Variants in RBMS3 observed in about 807,000 individuals in gnomAD.
RBMS3 encodes RNA-binding motif, single-stranded-interacting protein 3.
Under a neutral mutation model 66.8 loss-of-function variants are expected in RBMS3, and 27 were observed. That is an observed-to-expected ratio of 0.40 (90% CI 0.30 to 0.56). RBMS3 has a LOEUF of 0.56. Among genes scored for constraint, RBMS3 ranks in the 20% least tolerant of loss-of-function variants. RBMS3 has a pLI of 0.40. For missense variants in RBMS3, 513 were observed against 549.5 expected, an observed-to-expected ratio of 0.93 and a Z score of 0.66; for synonymous variants, 188 against 183.0, an observed-to-expected ratio of 1.03 and a Z score of -0.22.
intron 1 of RBMS3, among the ~76,000 whole-genome samples, chr3:29,364,352 A>G (rs950461811): frequency 6.6e-6 from 1 of 152,206 alleles, no homozygotes; most frequent in Non-Finnish European, 1.5e-5. Context: ...AAACATCAAC[A>G]GAGGACCTAA....
Position 29,399,102 on chromosome 3 carries a change from C to T in RBMS3, c.76-35641C>T, listed in dbSNP as rs999352143. Among the ~76,000 whole-genome samples the T allele has an allele frequency of 2.6e-5, 4 of 152,130 alleles. No individual in the cohort carries two copies. The East Asian group carries it at 7.7e-4, about 29-fold the overall frequency. ...CCTTTTCTCTACTTTAGCCCTGCCTCATTTCCCTTTCTTGCCTCTAAAAGT... is the reference window on the plus strand; with the variant it reads ...CCTTTTCTCTACTTTAGCCCTGCCTTATTTCCCTTTCTTGCCTCTAAAAGT... On this transcript the variant is annotated intron_variant, in intron 1 of 14. Coordinates refer to ENST00000383767, the MANE Select transcript of RBMS3 (RefSeq NM_001003793.3).
intron 10 of RBMS3, among the ~76,000 whole-genome samples, chr3:29,905,496 C>G (rs2060355142): frequency 6.6e-6 from 1 of 151,882 alleles, no homozygotes; most frequent in African/African-American, 2.4e-5. Context: ...CAAAGAAACC[C>G]TCTATATTTC....
At chr3:29,780,990 G>C (rs2371823) in intron 6 of RBMS3, among the ~76,000 whole-genome samples, 6,868 of 151,468 alleles carry the variant, frequency 0.045, 214 homozygotes, top group East Asian at 0.13. Flanking sequence ...TATACTTTAA[G>C]TTTTAGGGTA....
chr3:29,339,852 T>C (rs1268909231), intron 1 of RBMS3, among the ~76,000 whole-genome samples: 1 of 152,132 alleles, frequency 6.6e-6, no homozygotes, highest in Non-Finnish European at 1.5e-5. Context: ...AGTCACAAGA[T>C]GGCACAGAGT....
At chr3:29,310,308 G>A (rs1483765230) in intron 1 of RBMS3, among the ~76,000 whole-genome samples, 3 of 151,574 alleles carry the variant, frequency 2.0e-5, no homozygotes, top group Non-Finnish European at 4.4e-5. Flanking sequence ...AGCTGGGGGG[G>A]CCCGGATAAG....
At chr3:29,662,113 G>C (rs745404727) in intron 4 of RBMS3, among the ~76,000 whole-genome samples, 2 of 152,020 alleles carry the variant, frequency 1.3e-5, no homozygotes, top group African/African-American at 2.4e-5. Context: ...TGTACTTAAG[G>C]GTTCATTTAT....
At chr3:29,886,410 G>A (rs1308313363) in intron 8 of RBMS3, among the ~76,000 whole-genome samples, 1 of 151,830 alleles carries the variant, frequency 6.6e-6, no homozygotes, top group Non-Finnish European at 1.5e-5. Context: ...ACTAAATAGA[G>A]CCTGCTGTCT....
chr3:29,719,938 T>C (rs995105034), intron 4 of RBMS3, among the ~76,000 whole-genome samples: 1 of 152,258 alleles, frequency 6.6e-6, no homozygotes, highest in African/African-American at 2.4e-5. Flanking sequence ...TACATTTTTT[T>C]TTTTTTTAGG....
At chr3:29,911,497 C>A (rs564889570) in intron 10 of RBMS3, among the ~76,000 whole-genome samples, 4 of 152,160 alleles carry the variant, frequency 2.6e-5, no homozygotes, top group African/African-American at 9.6e-5. Context: ...TCACCAATAT[C>A]CGATGTGCCC....
At chr3:29,825,002 C>T (rs2058169978) in intron 6 of RBMS3, among the ~76,000 whole-genome samples, 1 of 151,050 alleles carries the variant, frequency 6.6e-6, no homozygotes, top group Non-Finnish European at 1.5e-5. Flanking sequence ...CCAAAGTCTT[C>T]AAACTGTTCT....
At chr3:29,295,410 A>C (rs888126210) in intron 1 of RBMS3, among the ~76,000 whole-genome samples, 8 of 148,162 alleles carry the variant, frequency 5.4e-5, no homozygotes, top group Admixed American at 6.8e-5. Flanking sequence ...AATTTTAGGG[A>C]ATTTTTTAAT....
intron 4 of RBMS3, among the ~76,000 whole-genome samples, chr3:29,597,138 C>A (rs72856436): frequency 1.5e-3 from 228 of 152,238 alleles, no homozygotes; most frequent in African/African-American, 5.2e-3. Context: ...ATTGGGTATA[C>A]ACTTGCATAT....
At chr3:29,816,624 C>T (rs2057911952) in intron 6 of RBMS3, among the ~76,000 whole-genome samples, 1 of 151,980 alleles carries the variant, frequency 6.6e-6, no homozygotes, top group Admixed American at 6.6e-5. Context: ...GCTTAGAAAC[C>T]CTTTAATATA....
chr3:29,893,254 T>A (rs1352611769), intron 8 of RBMS3, among the ~76,000 whole-genome samples: 8 of 151,492 alleles, frequency 5.3e-5, no homozygotes. Context: ...TGGATAGGAT[T>A]AGAGCAGATA....
chr3:29,384,733 G>A (rs960649882), intron 1 of RBMS3, among the ~76,000 whole-genome samples: 1 of 152,186 alleles, frequency 6.6e-6, no homozygotes, highest in African/African-American at 2.4e-5. Context: ...GAGGTTTAGA[G>A]TGGTAAAGCC....
In RBMS3 at chr3:29,435,873, G is replaced by A. The variant is rs552441887; in HGVS notation, c.248+958G>A. Among the ~76,000 whole-genome samples the A allele has an allele frequency of 2.3e-4, 34 of 145,442 alleles. 1 individual carries two copies. In the South Asian group the frequency reaches 7.7e-3, roughly 33 times the overall value. On this transcript the variant is annotated intron_variant, in intron 2 of 14. Coordinates refer to ENST00000383767, the MANE Select transcript of RBMS3 (RefSeq NM_001003793.3). The stretch of plus-strand genomic sequence containing the variant: ...GCCTGTAGTCCGAGCTACTCAGGAG[G>A]CTGAGGCAGGAGAATGGCGTGAACC...
At chr3:29,552,943 C>A (rs1416610504) in intron 3 of RBMS3, among the ~76,000 whole-genome samples, 2 of 152,098 alleles carry the variant, frequency 1.3e-5, no homozygotes, top group Non-Finnish European at 2.9e-5. Context: ...TAGTTCAAAA[C>A]CTTGTTCTGC....
At chr3:29,408,581 G>A (rs1283561589) in intron 1 of RBMS3, among the ~76,000 whole-genome samples, 6 of 152,034 alleles carry the variant, frequency 3.9e-5, no homozygotes, top group Admixed American at 6.6e-5. Flanking sequence ...CTTTTAGGGG[G>A]GTTATATGTC....
chr3:29,309,839 G>C (rs950785076), intron 1 of RBMS3, among the ~76,000 whole-genome samples: 6 of 151,640 alleles, frequency 4.0e-5, no homozygotes, highest in African/African-American at 1.5e-4. Context: ...CTGGAGGGCA[G>C]GTGAAGAAGG....
Sources: allele counts gnomAD v4.1 joint callset (sites outside exome capture counted in the v4.1 genomes callset), GRCh38; gene constraint gnomAD v4.1.1; transcripts MANE v1.5; gene names NCBI Gene and HGNC (gene_info 2026-07-23, HGNC 2026-07-21).